The following PLEKHO2 variants were observed in gnomAD, a reference collection of about 807,000 sequenced individuals.
The protein encoded by PLEKHO2 is pleckstrin homology domain containing O2.
PLEKHO2 carries 20 observed loss-of-function variants against 32.7 expected under a neutral mutation model. The observed-to-expected ratio is 0.61, with a 90% CI of 0.43 to 0.89. The LOEUF (loss-of-function observed/expected upper bound fraction) is 0.89, where lower values mean the gene tolerates loss of function less well. Ranked by LOEUF, PLEKHO2 falls within the 40% of genes least tolerant of loss-of-function variation. PLEKHO2 has a pLI of 0.00. For synonymous variants in PLEKHO2, 247 were observed against 246.3 expected (o/e 1.00, Z -0.03); for missense variants, 568 against 621.2 (o/e 0.91, Z 0.91).
chr15:64,855,755 G>A (rs931145031), intron 3 of PLEKHO2, among the ~76,000 whole-genome samples: 3 of 152,154 alleles, frequency 2.0e-5, no homozygotes, highest in Non-Finnish European at 2.9e-5. Context: ...AGCACCTCTC[G>A]CCAGCTTGCA....
At chr15:64,860,046 C>T (rs1221178384) in intron 4 of PLEKHO2, 48 bp downstream of exon 4, 2 of 1,544,716 alleles carry the variant, frequency 1.3e-6, no homozygotes, top group Admixed American at 1.7e-5. Context: ...TCCTTTCCCA[C>T]TGCGTGTGAT....
intron 3 of PLEKHO2, 132 bp downstream of exon 3, chr15:64,855,169 T>C: frequency 1.5e-6 from 1 of 674,562 alleles, no homozygotes; most frequent in Non-Finnish European, 2.6e-6. Flanking sequence ...GGCTCAGCCC[T>C]AGCAGCCACC....
rs773533139 is a variant in PLEKHO2, at chr15:64,848,741, A to G, written c.161A>G (p.Glu54Gly). Residue 54 changes from glutamate (E) to glycine (G), a missense_variant and splice_region_variant, in exon 2 of 6, where the codon GAG becomes GGG. Physicochemically the swap from Glu to Gly is moderately conservative, Grantham distance 98. Transcript: ENST00000323544. ...CQAQLLVYEN[E>G]DDQKCVETVE... ...GCCCAGCTGCTGGTCTATGAGAATG[A>G]GGTGAGGACCTGCTTGGCCCTGAGA... The G allele has an allele frequency of 6.2e-7, 1 of 1,613,992 alleles. No individual in the cohort carries two copies. The highest frequency in any genetic ancestry group is 8.5e-7 in the Non-Finnish European group (1 of 1,179,998).
Position 64,861,461 on chromosome 15 carries a change from T to C in PLEKHO2, c.385-16T>C, listed in dbSNP as rs774114764. ...CAAGGCTTGGCAGGGGCTGATCTGG[T>C]TCCCCCTCCCTCCAGGTAAAGGTGG... On this transcript the variant is annotated splice_polypyrimidine_tract_variant and intron_variant, in intron 4 of 5. Coordinates refer to ENST00000323544, the MANE Select transcript of PLEKHO2 (RefSeq NM_025201.5). The C allele has an allele frequency of 2.5e-6, 4 of 1,569,760 alleles. No individual in the cohort carries two copies. The highest frequency in any genetic ancestry group is 3.8e-5 in the Admixed American group (2 of 52,634).
chr15:64,846,470 C>T lies in PLEKHO2; in HGVS notation c.13-2123C>T, dbSNP rs187943718. ...TGGGATTACAGGCGTGCGCCACCAC[C>T]GCCCGGCTATTTTTTGTATTTTTAG... On this transcript the variant is annotated intron_variant, in intron 1 of 5. Coordinates refer to ENST00000323544, the MANE Select transcript of PLEKHO2 (RefSeq NM_025201.5). Among the ~76,000 whole-genome samples the T allele has an allele frequency of 8.7e-4, 133 of 152,136 alleles. 1 individual carries two copies. Among genetic ancestry groups the T allele is most frequent in the Admixed American group, 5.0e-3 (77 of 15,284 alleles).
rs577703269 is a variant in PLEKHO2 at position 64,853,046 on chromosome 15, G to A, written c.163-1875G>A. ...CCCAGCTACTCGGGGGGCTGAGGCC[G>A]GAGAATCGCAGGTACCCAGGAGGCA... On this transcript the variant is annotated intron_variant, in intron 2 of 5. Transcript: ENST00000323544. Among the ~76,000 whole-genome samples the A allele has an allele frequency of 2.0e-5, 3 of 150,756 alleles. No homozygotes were observed. The East Asian group carries it at 6.4e-4, about 32-fold the overall frequency.
In PLEKHO2 at chr15:64,848,755, T is replaced by C. The variant is rs759395989; in HGVS notation, c.162+13T>C. On this transcript the variant is annotated intron_variant, in intron 2 of 5. Transcript: ENST00000323544. ...CTATGAGAATGAGGTGAGGACCTGC[T>C]TGGCCCTGAGATTGGGGGTTCTGGG... 7 of 1,613,720 alleles carry C rather than the reference T, an allele frequency of 4.3e-6. No homozygotes were observed. The highest frequency in any genetic ancestry group is 5.9e-6 in the Non-Finnish European group (7 of 1,179,942).
intron 1 of PLEKHO2, among the ~76,000 whole-genome samples, chr15:64,843,292 G>A (rs1362888064): frequency 6.6e-6 from 1 of 152,220 alleles, no homozygotes; most frequent in Non-Finnish European, 1.5e-5. Flanking sequence ...GACAGTGGCC[G>A]GTTCTCTCAG....
intron 4 of PLEKHO2, among the ~76,000 whole-genome samples, chr15:64,861,183 C>G (rs1375713285): frequency 6.6e-6 from 1 of 152,222 alleles, no homozygotes; most frequent in Non-Finnish European, 1.5e-5. Flanking sequence ...AGCTAAGCCC[C>G]AAAGCCACCT....
chr15:64,859,085 G>C (rs1280482378), intron 3 of PLEKHO2, among the ~76,000 whole-genome samples: 3 of 152,180 alleles, frequency 2.0e-5, no homozygotes, highest in Admixed American at 1.3e-4. Context: ...CATCCCTGTT[G>C]TAGCATGTGT....
rs1409917407 is a variant in PLEKHO2 at position 64,854,942 on chromosome 15, A to G, written c.184A>G (p.Thr62Ala). The part of the protein sequence containing the change: ...ENEDDQKCVE[T>A]VELGSYEKCQ... ...CCAGGATGATCAGAAGTGTGTGGAG[A>G]CTGTGGAGCTGGGCAGCTATGAGAA... The change falls in exon 3 of 6, where the codon ACT (threonine) becomes GCT (alanine). Residue 62 changes from threonine to alanine, a missense_variant. By Grantham distance (58) the Thr-to-Ala change is moderately conservative. Transcript: ENST00000323544. 1 of 1,612,842 alleles carries G rather than the reference A, an allele frequency of 6.2e-7. No homozygotes were observed. Among genetic ancestry groups the G allele is most frequent in the Non-Finnish European group, 8.5e-7 (1 of 1,179,568 alleles).
chr15:64,863,747 CTT>C (rs71133492), intron 5 of PLEKHO2, among the ~76,000 whole-genome samples: 1 of 142,708 alleles, frequency 7.0e-6, no homozygotes, highest in African/African-American at 2.6e-5. Context: ...GCGAGACCCC[CTT>C]TTTTTTTTTT....
chr15:64,865,014 C>A lies in PLEKHO2; in HGVS notation c.599C>A (p.Pro200His). 1 of 1,614,128 alleles carries A rather than the reference C, an allele frequency of 6.2e-7. No individual in the cohort carries two copies. The highest frequency in any genetic ancestry group is 8.5e-7 in the Non-Finnish European group (1 of 1,180,022). Reference sequence around the variant, plus strand: ...AGTGAAGCCCAACCTCGGGAGACACCCCGGCCCCTCATGCCTCCTACCAAG... The same window carrying A: ...AGTGAAGCCCAACCTCGGGAGACACACCGGCCCCTCATGCCTCCTACCAAG... ...HVSEAQPRETPRPLMPPTKPF... is the reference protein window; with the variant it reads ...HVSEAQPRETHRPLMPPTKPF... Residue 200 changes from proline to histidine, a missense_variant, in exon 6 of 6, where the codon CCC becomes CAC. Coordinates refer to ENST00000323544, the MANE Select transcript of PLEKHO2 (RefSeq NM_025201.5).
At chr15:64,842,179 G>C in intron 1 of PLEKHO2, 151 bp downstream of exon 1, 1 of 732,032 alleles carries the variant, frequency 1.4e-6, no homozygotes, top group East Asian at 3.4e-5. Flanking sequence ...GGGGCGAGGG[G>C]CTGGATCCAT....
chr15:64,859,788 G>A, intron 3 of PLEKHO2, 106 bp from the exon 4 acceptor site: 1 of 867,332 alleles, frequency 1.2e-6, no homozygotes, highest in East Asian at 2.4e-5. Context: ...TTAACTGTGG[G>A]GTCATTTTGG....
chr15:64,857,486 C>T lies in PLEKHO2; in HGVS notation c.280-2408C>T, dbSNP rs188796070. Among the ~76,000 whole-genome samples, 16 of 152,292 alleles carry T rather than the reference C, an allele frequency of 1.1e-4. No homozygotes were observed. The East Asian group carries it at 2.9e-3, about 27-fold the overall frequency. ...AGTAGCCGGGACTGCAGGCACACAC[C>T]GTCATGCCTGGCTAATTTTCATATT... On this transcript the variant is annotated intron_variant, in intron 3 of 5. Transcript: ENST00000323544.
Position 64,865,805 on chromosome 15 carries a change from T to C in PLEKHO2, c.1390T>C (p.Leu464=). 6.2e-7 allele frequency: 1 copy of C among 1,613,650 alleles called. No homozygotes were observed. Among genetic ancestry groups the C allele is most frequent in the Non-Finnish European group, 8.5e-7 (1 of 1,179,954 alleles). Residue 464 remains leucine (L), a synonymous_variant, in exon 6 of 6, where the codon TTG becomes CTG. Coordinates refer to ENST00000323544, the MANE Select transcript of PLEKHO2 (RefSeq NM_025201.5). ...CCAGGTCCTGCAGGAAATGAGAGAT[T>C]TGGGAGAGCTGAGCCAGGAAGCACC... The part of the protein sequence containing the change: ...ATQVLQEMRD[L]GELSQEAPGL...
intron 1 of PLEKHO2, among the ~76,000 whole-genome samples, chr15:64,846,985 G>GC (rs1462120219): frequency 6.6e-6 from 1 of 152,232 alleles, no homozygotes; most frequent in Non-Finnish European, 1.5e-5. Flanking sequence ...CAAAAATCCT[G>GC]CCCTCGTGGA....
Position 64,866,948 on chromosome 15 carries a change from T to A in PLEKHO2, c.*1060T>A, listed in dbSNP as rs2084693708. 1 of 152,758 alleles carries A rather than the reference T, an allele frequency of 6.5e-6. No homozygotes were observed. Among genetic ancestry groups the A allele is most frequent in the African/African-American group, 2.4e-5 (1 of 41,456 alleles). The allele number at this position is 152,758 out of a possible 1,614,324, so 9.5% of individuals were successfully genotyped here. A position where few individuals can be genotyped will look rare whatever the true frequency, so the allele number is the denominator to read the frequency against. On this transcript the variant is annotated 3_prime_UTR_variant, in exon 6 of 6. Coordinates refer to ENST00000323544, the MANE Select transcript of PLEKHO2 (RefSeq NM_025201.5). ...CCAGATGGGCTGCTCTCCTGTAACT[T>A]TCTAGGAGAAGAGACATTTTCTTCT...
Sources: gnomAD v4.1 joint callset for allele counts (sites outside exome capture counted in the v4.1 genomes callset) on GRCh38, gnomAD v4.1.1 for gene constraint, MANE v1.5 for transcripts, NCBI Gene and HGNC (gene_info 2026-07-23, HGNC 2026-07-21) for gene names.